The following LIMK1 variants were observed in gnomAD, a reference collection of about 807,000 sequenced individuals.
The protein encoded by LIMK1 is LIM domain kinase 1.
In LIMK1, 21 loss-of-function variants were observed where a neutral mutation model predicts 77.6. The observed-to-expected ratio is 0.27, with a 90% confidence interval of 0.19 to 0.39. The LOEUF is 0.39. Ranked by LOEUF, LIMK1 falls within the 10% of genes least tolerant of loss-of-function variation. The probability of loss-of-function intolerance (pLI) is 1.00; values close to 1 mark genes in which losing one functional copy is unlikely to be tolerated. For synonymous variants in LIMK1, 358 were observed against 370.0 expected, an observed-to-expected ratio of 0.97 and a Z score of 0.37; for missense variants, 696 against 901.6, an observed-to-expected ratio of 0.77 and a Z score of 2.92.
At chr7:74,119,335 T>G (rs1554700151) in intron 13 of LIMK1, among the ~76,000 whole-genome samples, 2 of 150,700 alleles carry the variant, frequency 1.3e-5, no homozygotes, top group East Asian at 2.0e-4. Flanking sequence ...CCTGCCACCA[T>G]GCCTGGCTAA....
At chr7:74,095,402 G>A (rs1370638388) in intron 2 of LIMK1, among the ~76,000 whole-genome samples, 4 of 152,110 alleles carry the variant, frequency 2.6e-5, no homozygotes, top group Non-Finnish European at 5.9e-5. Flanking sequence ...TGGGGCACCC[G>A]CATTTGGTTT....
intron 2 of LIMK1, 128 bp from the exon 3 acceptor site, chr7:74,096,494 C>T (rs1305011186): frequency 2.3e-5 from 28 of 1,240,362 alleles, no homozygotes; most frequent in African/African-American, 1.9e-4. Context: ...AGCAAGACTC[C>T]GTCTCAAAAA....
intron 2 of LIMK1, chr7:74,093,412 A>C: frequency 1.6e-6 from 2 of 1,289,462 alleles, no homozygotes; most frequent in Non-Finnish European, 2.1e-6. Flanking sequence ...CAGAACTGAA[A>C]CTCCTTGGTT....
intron 5 of LIMK1, among the ~76,000 whole-genome samples, chr7:74,103,504 T>C (rs1453447739): frequency 1.3e-5 from 2 of 152,208 alleles, no homozygotes; most frequent in African/African-American, 4.8e-5. Flanking sequence ...AGGAGACATA[T>C]GATGTCAGTG....
At chr7:74,100,209 G>T (rs1799426846) in intron 5 of LIMK1, among the ~76,000 whole-genome samples, 1 of 152,094 alleles carries the variant, frequency 6.6e-6, no homozygotes, top group African/African-American at 2.4e-5. Flanking sequence ...TGCACTCTAG[G>T]CTGGGCAATG....
chr7:74,118,608 G>A (rs939288664), intron 13 of LIMK1, among the ~76,000 whole-genome samples: 4 of 151,578 alleles, frequency 2.6e-5, no homozygotes, highest in Non-Finnish European at 5.9e-5. Flanking sequence ...AAATTAGCTG[G>A]ACATGGTTTC....
intron 2 of LIMK1, among the ~76,000 whole-genome samples, chr7:74,091,091 T>G (rs1297431421): frequency 6.6e-6 from 1 of 151,772 alleles, no homozygotes; most frequent in Non-Finnish European, 1.5e-5. Context: ...TTTTTTTTTG[T>G]TTGTTTGTAT....
chr7:74,108,253 G>A (rs1424963421), intron 9 of LIMK1, among the ~76,000 whole-genome samples: 2 of 151,696 alleles, frequency 1.3e-5, no homozygotes, highest in African/African-American at 4.8e-5. Flanking sequence ...TGGGAGGCTC[G>A]CTTGAGCCCA....
intron 12 of LIMK1, among the ~76,000 whole-genome samples, chr7:74,113,476 A>G (rs1563922989): frequency 1.3e-5 from 2 of 152,120 alleles, no homozygotes; most frequent in Non-Finnish European, 2.9e-5. Context: ...AAATTCAAAA[A>G]TTAGCAGGCA....
At chr7:74,105,198 T>C (rs1312371157) in intron 5 of LIMK1, among the ~76,000 whole-genome samples, 1 of 151,738 alleles carries the variant, frequency 6.6e-6, no homozygotes, top group Non-Finnish European at 1.5e-5. Context: ...AAGTAATCCA[T>C]CCACCTTGGC....
chr7:74,108,957 T>G lies in LIMK1; in HGVS notation c.1205T>G (p.Val402Gly). 1 of 1,613,918 alleles carries G rather than the reference T, an allele frequency of 6.2e-7. No homozygotes were observed. Among genetic ancestry groups the G allele is most frequent in the Non-Finnish European group, 8.5e-7 (1 of 1,179,962 alleles). The change falls in exon 10 of 16, where the codon GTG becomes GGG. Residue 402 changes from valine to glycine, a missense_variant. Coordinates refer to ENST00000336180, the MANE Select transcript of LIMK1 (RefSeq NM_002314.4). ...CCCAACGTGCTCAAGTTCATCGGGG[T>G]GCTCTACAAGGACAAGAGGCTCAAC... ...EHPNVLKFIG[V>G]LYKDKRLNFI... is the part of the protein sequence containing the mutation.
chr7:74,084,171 A>G, intron 1 of LIMK1, 126 bp downstream of exon 1: 1 of 357,548 alleles, frequency 2.8e-6, no homozygotes, highest in Non-Finnish European at 5.1e-6. Flanking sequence ...GCTCGTCCTT[A>G]CGAAGCCCGC....
rs782379152 is a variant in LIMK1 at position 74,111,719 on chromosome 7, G to A, written c.1344+12G>A. The A allele has an allele frequency of 1.9e-5, 31 of 1,610,242 alleles. No individual in the cohort carries two copies. The Middle Eastern group carries it at 6.6e-4, about 34-fold the overall frequency. ...TCGCATCAGGGATGGTGAGTGAGCC[G>A]GGTGCTCTAGCTCCATTCATAATCC... On this transcript the variant is annotated intron_variant, in intron 11 of 15. Transcript: ENST00000336180.
chr7:74,116,303 A>G (rs1305337682), intron 13 of LIMK1, among the ~76,000 whole-genome samples: 2 of 151,934 alleles, frequency 1.3e-5, no homozygotes, highest in Non-Finnish European at 2.9e-5. Context: ...AATCCCAGCT[A>G]CTAGGGAAGC....
chr7:74,110,952 G>A (rs1347836266), intron 10 of LIMK1: 12 of 152,464 alleles, frequency 7.9e-5, no homozygotes, highest in African/African-American at 2.6e-4. Flanking sequence ...AATGTTTGTA[G>A]GGGCCGGGTG....
intron 3 of LIMK1, 57 bp downstream of exon 3, chr7:74,096,817 A>C (rs1799345828): frequency 6.5e-7 from 1 of 1,528,286 alleles, no homozygotes; most frequent in Non-Finnish European, 8.8e-7. Context: ...AGCAGACCCC[A>C]TGCTCCAGGT....
intron 2 of LIMK1, chr7:74,093,236 T>A: frequency 6.5e-7 from 1 of 1,535,754 alleles, no homozygotes; most frequent in Non-Finnish European, 8.7e-7. Context: ...GAGCCCCCAG[T>A]GTAGCCACAG....
intron 2 of LIMK1, among the ~76,000 whole-genome samples, chr7:74,091,122 C>T (rs1426739563): frequency 1.3e-5 from 2 of 151,988 alleles, no homozygotes; most frequent in South Asian, 2.1e-4. Context: ...GACGAGGTTT[C>T]GCTGTGTGAG....
At chr7:74,110,669 T>C (rs1001862582) in intron 10 of LIMK1, 1 of 152,114 alleles carries the variant, frequency 6.6e-6, no homozygotes, top group African/African-American at 2.4e-5. Flanking sequence ...TAGCTGGGAT[T>C]ACAGGAGCCC....
Sources: allele counts gnomAD v4.1 joint callset (sites outside exome capture counted in the v4.1 genomes callset), GRCh38; gene constraint gnomAD v4.1.1; transcripts MANE v1.5; gene names NCBI Gene and HGNC (gene_info 2026-07-23, HGNC 2026-07-21).